The following GULP1 variants were observed in gnomAD, a reference collection of about 807,000 sequenced individuals.
The protein encoded by GULP1 is PTB domain-containing engulfment adapter protein 1.
In GULP1, 19 loss-of-function variants were observed where a neutral mutation model predicts 40.9. The ratio of observed to expected loss-of-function variants is 0.46; its 90% CI spans 0.32 to 0.68. The LOEUF is 0.68. GULP1 is among the 30% of genes least tolerant of loss of function. The pLI is 0.03. For synonymous variants in GULP1, 119 were observed against 117.6 expected, an observed-to-expected ratio of 1.01 and a Z score of -0.08; for missense variants, 312 against 362.2, an observed-to-expected ratio of 0.86 and a Z score of 1.12.
chr2:188,498,149 C>T (rs2063080488), intron 4 of GULP1, among the ~76,000 whole-genome samples: 1 of 151,888 alleles, frequency 6.6e-6, no homozygotes, highest in African/African-American at 2.4e-5. Context: ...CCATTATAAT[C>T]AGAGGTAACA....
At chr2:188,377,318 T>TA (rs1318331248) in intron 1 of GULP1, among the ~76,000 whole-genome samples, 1 of 152,246 alleles carries the variant, frequency 6.6e-6, no homozygotes, top group Non-Finnish European at 1.5e-5. Flanking sequence ...GCTGAGTTTT[T>TA]ATGTGTCGGG....
intron 9 of GULP1, among the ~76,000 whole-genome samples, chr2:188,577,409 G>A (rs1700372535): frequency 6.6e-6 from 1 of 152,038 alleles, no homozygotes; most frequent in East Asian, 1.9e-4. Flanking sequence ...AGCTGAATGT[G>A]AATCTTTAAA....
chr2:188,360,853 T>C (rs1481618285), intron 1 of GULP1, among the ~76,000 whole-genome samples: 3 of 152,104 alleles, frequency 2.0e-5, no homozygotes, highest in Admixed American at 6.6e-5. Flanking sequence ...AATTGAAAAG[T>C]AAATAGCCCA....
At chr2:188,477,243 G>C (rs747698455) in intron 2 of GULP1, among the ~76,000 whole-genome samples, 8 of 152,112 alleles carry the variant, frequency 5.3e-5, no homozygotes, top group Non-Finnish European at 1.2e-4. Flanking sequence ...ACTGCTCCTA[G>C]TATATCACCT....
intron 7 of GULP1, among the ~76,000 whole-genome samples, chr2:188,564,472 A>G (rs1169480242): frequency 2.0e-5 from 3 of 151,942 alleles, no homozygotes; most frequent in East Asian, 3.8e-4. Flanking sequence ...AGAAAAATGT[A>G]TTTACCGTAG....
chr2:188,404,748 AC>A (rs909102638), intron 2 of GULP1, among the ~76,000 whole-genome samples: 44 of 152,098 alleles, frequency 2.9e-4, no homozygotes, highest in African/African-American at 1.0e-3. Flanking sequence ...ACTACCATAG[AC>A]CAGGCCAGCC....
chr2:188,548,047 T>C (rs901052932), intron 7 of GULP1, among the ~76,000 whole-genome samples: 3 of 152,108 alleles, frequency 2.0e-5, no homozygotes, highest in Admixed American at 6.6e-5. Flanking sequence ...AAAAGTATGC[T>C]TTCCTCCTAA....
chr2:188,580,316 G>A (rs1251001860), intron 9 of GULP1, among the ~76,000 whole-genome samples: 3 of 152,124 alleles, frequency 2.0e-5, no homozygotes, highest in Non-Finnish European at 2.9e-5. Flanking sequence ...CACTTTGGGA[G>A]GCCGAGGCGG....
At chr2:188,464,948 C>T (rs573481576) in intron 2 of GULP1, among the ~76,000 whole-genome samples, 8 of 152,158 alleles carry the variant, frequency 5.3e-5, no homozygotes, top group African/African-American at 1.4e-4. Flanking sequence ...AAATGCCATC[C>T]AAGAGTCAAG....
chr2:188,305,761 TTTC>T (rs747342188), intron 1 of GULP1, among the ~76,000 whole-genome samples: 94 of 149,728 alleles, frequency 6.3e-4, no homozygotes, highest in Non-Finnish European at 1.2e-3. Context: ...GATAGTCTAA[TTTC>T]TTCTTTTTAA....
At chr2:188,451,301 A>G (rs973467298) in intron 2 of GULP1, among the ~76,000 whole-genome samples, 25 of 152,346 alleles carry the variant, frequency 1.6e-4, no homozygotes, top group African/African-American at 5.8e-4. Context: ...GTGTGATGTT[A>G]AAGGAATGAG....
At chr2:188,398,180 A>C (rs1260508026) in intron 2 of GULP1, among the ~76,000 whole-genome samples, 1 of 152,172 alleles carries the variant, frequency 6.6e-6, no homozygotes, top group Non-Finnish European at 1.5e-5. Flanking sequence ...CAGAAGCCAA[A>C]AGAAGCAAGG....
chr2:188,559,742 T>A (rs1695766612), intron 7 of GULP1, among the ~76,000 whole-genome samples: 1 of 152,140 alleles, frequency 6.6e-6, no homozygotes, highest in South Asian at 2.1e-4. Context: ...ATGATATGGT[T>A]TGGCTCTGTG....
chr2:188,348,859 A>G (rs551931414), intron 1 of GULP1, among the ~76,000 whole-genome samples: 1 of 152,170 alleles, frequency 6.6e-6, no homozygotes, highest in Non-Finnish European at 1.5e-5. Context: ...TTTATCTTCT[A>G]TCAGTAAATG....
chr2:188,575,724 A>G (rs1424144418), intron 9 of GULP1, among the ~76,000 whole-genome samples: 1 of 149,464 alleles, frequency 6.7e-6, no homozygotes, highest in Non-Finnish European at 1.5e-5. Context: ...TAGATTTGAT[A>G]AGCCTTCACA....
intron 2 of GULP1, among the ~76,000 whole-genome samples, chr2:188,403,272 A>G (rs2052570014): frequency 6.6e-6 from 1 of 152,086 alleles, no homozygotes; most frequent in Non-Finnish European, 1.5e-5. Flanking sequence ...TTTCTAGTAT[A>G]TATCATTACG....
chr2:188,557,394 A>G (rs1695041009), intron 7 of GULP1, among the ~76,000 whole-genome samples: 1 of 152,210 alleles, frequency 6.6e-6, no homozygotes, highest in African/African-American at 2.4e-5. Context: ...CAAAAGGGAG[A>G]AATTGGCCAA....
At chr2:188,502,513 T>G (rs2063528637) in intron 4 of GULP1, among the ~76,000 whole-genome samples, 3 of 151,874 alleles carry the variant, frequency 2.0e-5, no homozygotes, top group South Asian at 2.1e-4. Context: ...TACTAAAAGG[T>G]TAAAATTGTC....
At chr2:188,375,791 A>T (rs924485877) in intron 1 of GULP1, among the ~76,000 whole-genome samples, 1 of 152,180 alleles carries the variant, frequency 6.6e-6, no homozygotes. Context: ...GGGGCTTAAA[A>T]TATGGGGAAT....
Sources: gnomAD v4.1 joint callset for allele counts (sites outside exome capture counted in the v4.1 genomes callset) on GRCh38, gnomAD v4.1.1 for gene constraint, MANE v1.5 for transcripts, NCBI Gene and HGNC (gene_info 2026-07-23, HGNC 2026-07-21) for gene names.